Variants in MICAL3 observed in about 807,000 individuals in gnomAD.
MICAL3 encodes microtubule associated monooxygenase, calponin and LIM domain containing 3.
In MICAL3, 62 loss-of-function variants were observed where a neutral mutation model predicts 207.4. That is an observed-to-expected ratio of 0.30 (90% CI 0.24 to 0.37). The LOEUF (loss-of-function observed/expected upper bound fraction) is 0.37. Among genes scored for constraint, MICAL3 ranks in the 10% least tolerant of loss-of-function variants. The pLI is 1.00. For missense variants in MICAL3, 2,368 were observed against 2,635.6 expected (o/e 0.90, Z 2.22); for synonymous variants, 1,077 against 1,069.3 (o/e 1.01, Z -0.14).
chr22:17,896,196 C>T (rs755691294), intron 9 of MICAL3, 50 bp downstream of exon 9: 1 of 1,043,228 alleles, frequency 9.6e-7, no homozygotes, highest in Non-Finnish European at 1.5e-6. Context: ...GTAAACCACT[C>T]CTTCTTCCCA....
At chr22:17,898,813 T>A (rs1211593789) in intron 7 of MICAL3, among the ~76,000 whole-genome samples, 1 of 152,192 alleles carries the variant, frequency 6.6e-6, no homozygotes, top group Admixed American at 6.5e-5. Context: ...AGAAACAGGC[T>A]GAGCTGGACC....
At chr22:17,950,164 C>CTTTTTTTTTTTTTTTTTTTT (rs1201899565) in intron 1 of MICAL3, among the ~76,000 whole-genome samples, 2 of 132,926 alleles carry the variant, frequency 1.5e-5, no homozygotes, top group African/African-American at 6.7e-5. Context: ...GTACAGCTGT[C>CTTTTTTTTTTTTTTTTTTTT]TATTTTTTTT....
intron 27 of MICAL3, chr22:17,813,299 G>C (rs952535368): frequency 6.6e-6 from 1 of 152,248 alleles, no homozygotes; most frequent in Admixed American, 6.5e-5. Flanking sequence ...AAAGGCATTA[G>C]GGAAACCAGG....
intron 1 of MICAL3, among the ~76,000 whole-genome samples, chr22:17,956,802 G>C (rs1035823902): frequency 3.9e-5 from 6 of 152,312 alleles, no homozygotes; most frequent in Admixed American, 1.3e-4. Flanking sequence ...AGGTGCTCAC[G>C]TGAGAGACAC....
At chr22:17,935,458 C>T (rs1298331198) in intron 1 of MICAL3, among the ~76,000 whole-genome samples, 1 of 152,148 alleles carries the variant, frequency 6.6e-6, no homozygotes, top group Non-Finnish European at 1.5e-5. Context: ...AAATGTTAGA[C>T]CTAAAATCAT....
rs181774321 is a variant in MICAL3 at position 17,881,937 on chromosome 22, A to G, written c.2241+3941T>C. Among the ~76,000 whole-genome samples the G allele has an allele frequency of 2.5e-4, 38 of 152,286 alleles. No individual in the cohort carries two copies. In the East Asian group the frequency reaches 6.4e-3, roughly 26 times the overall value. On this transcript the variant is annotated intron_variant, in intron 16 of 31. Coordinates refer to ENST00000441493, the MANE Select transcript of MICAL3 (RefSeq NM_015241.3). ...GTATTCCCTTCGAGAGTCTGTCTAC[A>G]ATTTACAAAGCCGCTGGTATTTGAG... is the stretch of plus-strand genomic sequence containing the variant.
chr22:17,834,475 G>C (rs1056539027), intron 20 of MICAL3: 1 of 1,274,760 alleles, frequency 7.8e-7, no homozygotes, highest in African/African-American at 1.5e-5. Context: ...CAGCACTGTG[G>C]GAGGCTGAGG....
In MICAL3 at chr22:17,906,632, T is replaced by G; in HGVS notation, c.181A>C (p.Lys61Gln). 6.2e-7 allele frequency: 1 copy of G among 1,614,040 alleles called. No homozygotes were observed. The highest frequency in any genetic ancestry group is 1.7e-5 in the Admixed American group (1 of 60,028). ...AATTTTGCCCAGAGGGCTTTGGCTT[T>G]CCAGTAGTTAAGCTTGGACTTGAGC... ...HKLKSKLNYW[K>Q]AKALWAKLDK... The change falls in exon 2 of 32, where the codon AAA (lysine) becomes CAA (glutamine). Residue 61 changes from lysine (K) to glutamine (Q), a missense_variant. Physicochemically the swap from Lys to Gln is moderately conservative, Grantham distance 53. This residue lies in a region of MICAL3 where 400 missense variants were observed against 547.0 expected (regional missense o/e 0.73). Coordinates refer to ENST00000441493, the MANE Select transcript of MICAL3 (RefSeq NM_015241.3).
At chr22:17,907,282 G>C (rs1296616212) in intron 1 of MICAL3, among the ~76,000 whole-genome samples, 1 of 152,166 alleles carries the variant, frequency 6.6e-6, no homozygotes, top group East Asian at 1.9e-4. Flanking sequence ...CAGCATAAAT[G>C]TTAGCCAGGC....
At chr22:17,926,383 T>C (rs1383148222) in intron 1 of MICAL3, among the ~76,000 whole-genome samples, 1 of 152,204 alleles carries the variant, frequency 6.6e-6, no homozygotes. Context: ...AGCTGAACTC[T>C]CCTGCCCTGG....
chr22:18,010,305 T>C (rs1043521861), intron 1 of MICAL3, among the ~76,000 whole-genome samples: 3 of 151,794 alleles, frequency 2.0e-5, no homozygotes, highest in African/African-American at 4.8e-5. Context: ...TGAACTTCTG[T>C]TTGATTTAAG....
intron 1 of MICAL3, among the ~76,000 whole-genome samples, chr22:17,964,961 A>G (rs529140898): frequency 3.4e-4 from 52 of 152,290 alleles, no homozygotes; most frequent in Admixed American, 9.8e-4. Context: ...GGGGAAAGCA[A>G]ACACTCCAAA....
At chr22:17,862,972 G>A (rs898123948) in intron 19 of MICAL3, 24 of 985,176 alleles carry the variant, frequency 2.4e-5, no homozygotes, top group African/African-American at 1.7e-4. Flanking sequence ...AGAACCACGC[G>A]GACAGAGACG....
At chr22:18,018,058 T>A (rs779937619) in intron 1 of MICAL3, among the ~76,000 whole-genome samples, 1 of 151,844 alleles carries the variant, frequency 6.6e-6, no homozygotes, top group East Asian at 1.9e-4. Flanking sequence ...GTATTTTTAA[T>A]AGAGAAGGGG....
At chr22:17,886,988 C>CAAAAAAAAAAAAAAAAAAAAAAAAGAAAA (rs1929950812) in intron 15 of MICAL3, among the ~76,000 whole-genome samples, 182 bp downstream of exon 15, 1 of 41,340 alleles carries the variant, frequency 2.4e-5, no homozygotes, top group Non-Finnish European at 4.7e-5. Flanking sequence ...ACTCTTGTCT[C>CAAAAAAAAAAAAAAAAAAAAAAAAGAAAA]AAAAAAAAAA....
At chr22:18,012,698 G>A (rs146997096) in intron 1 of MICAL3, among the ~76,000 whole-genome samples, 11 of 152,292 alleles carry the variant, frequency 7.2e-5, no homozygotes, top group East Asian at 1.9e-4. Flanking sequence ...AACATGACAC[G>A]CCTACGAAGA....
intron 1 of MICAL3, among the ~76,000 whole-genome samples, chr22:17,965,654 A>G (rs992817340): frequency 6.6e-6 from 1 of 152,230 alleles, no homozygotes; most frequent in African/African-American, 2.4e-5. Context: ...ACTTGCCCCA[A>G]GTCACACAGT....
At chr22:17,798,509 C>A (rs573230114) in intron 29 of MICAL3, among the ~76,000 whole-genome samples, 2 of 152,348 alleles carry the variant, frequency 1.3e-5, no homozygotes, top group South Asian at 4.1e-4. Flanking sequence ...TTTCCTGCCT[C>A]TCTGGGCAGC....
chr22:17,895,001 T>TGG (rs1267179805), intron 10 of MICAL3, among the ~76,000 whole-genome samples: 1 of 152,180 alleles, frequency 6.6e-6, no homozygotes, highest in East Asian at 1.9e-4. Context: ...GGGCAAGTGC[T>TGG]CTTCCGTAAA....
Sources: allele counts gnomAD v4.1 joint callset (sites outside exome capture counted in the v4.1 genomes callset), GRCh38; gene constraint gnomAD v4.1.1; regional missense constraint gnomAD v4.1.1; transcripts MANE v1.5; gene names NCBI Gene and HGNC (gene_info 2026-07-23, HGNC 2026-07-21).